Variants in RASGRF2 observed in about 807,000 individuals in gnomAD.
RASGRF2 encodes the protein ras-specific guanine nucleotide-releasing factor 2.
Under a neutral mutation model 151.0 loss-of-function variants are expected in RASGRF2, and 76 were observed. That is an observed-to-expected ratio of 0.50 (90% CI 0.42 to 0.61). The LOEUF is 0.61. Among genes scored for constraint, RASGRF2 ranks in the 20% least tolerant of loss-of-function variants. The pLI is 0.00. For missense variants in RASGRF2, 1,148 were observed against 1,564.6 expected, an observed-to-expected ratio of 0.73 and a Z score of 4.49; for synonymous variants, 504 against 566.5, an observed-to-expected ratio of 0.89 and a Z score of 1.57.
chr5:81,008,488 C>T (rs1749349976), intron 1 of RASGRF2, among the ~76,000 whole-genome samples: 1 of 152,152 alleles, frequency 6.6e-6, no homozygotes, highest in South Asian at 2.1e-4. Flanking sequence ...AGCACTTTGA[C>T]ACATCTTGCA....
chr5:80,992,266 A>G (rs1433070682), intron 1 of RASGRF2, among the ~76,000 whole-genome samples: 1 of 96,672 alleles, frequency 1.0e-5, no homozygotes, highest in South Asian at 3.8e-4. Context: ...TGTCCTTGGT[A>G]GGTCCCTGCC....
intron 1 of RASGRF2, among the ~76,000 whole-genome samples, chr5:80,979,279 A>G (rs1748225119): frequency 6.6e-6 from 1 of 152,252 alleles, no homozygotes. Context: ...GAATGAAAGT[A>G]CAATCTGTGA....
chr5:81,193,847 T>G (rs192689852), intron 18 of RASGRF2, among the ~76,000 whole-genome samples: 3 of 152,220 alleles, frequency 2.0e-5, no homozygotes, highest in Admixed American at 1.3e-4. Flanking sequence ...AGAGGTTGAG[T>G]GGTTAGAAAA....
intron 17 of RASGRF2, among the ~76,000 whole-genome samples, chr5:81,158,240 A>AT (rs1193533460): frequency 1.4e-4 from 22 of 152,182 alleles, no homozygotes; most frequent in Admixed American, 1.4e-3. Flanking sequence ...AAAGTTGTTG[A>AT]TTTTCTGTAA....
At position 81,229,145 on chromosome 5, in the gene RASGRF2, T is replaced by C. The variant is rs547277129; in HGVS notation, c.*3375T>C. On this transcript the variant is annotated 3_prime_UTR_variant, in exon 27 of 27. Coordinates refer to ENST00000265080, the MANE Select transcript of RASGRF2 (RefSeq NM_006909.3). Reference sequence around the variant, plus strand: ...TAACTTTTATTTAAAAGCAAGAGATTTTACTTAGCTTTTTTTTTTCAAAGT... The same window carrying C: ...TAACTTTTATTTAAAAGCAAGAGATCTTACTTAGCTTTTTTTTTTCAAAGT... The C allele has an allele frequency of 1.3e-5, 2 of 152,276 alleles. No homozygotes were observed. The highest frequency in any genetic ancestry group is 2.9e-5 in the Non-Finnish European group (2 of 68,010). 9.4% of individuals were successfully genotyped at this position (152,276 alleles called of 1,614,324 possible).
intron 17 of RASGRF2, among the ~76,000 whole-genome samples, chr5:81,143,210 G>A (rs981051798): frequency 7.2e-5 from 11 of 151,786 alleles, no homozygotes; most frequent in Admixed American, 6.6e-4. Context: ...GTGCAGTGGC[G>A]CAATCTCCAC....
At position 81,022,651 on chromosome 5, in the gene RASGRF2, G is replaced by A. The variant is rs116418479; in HGVS notation, c.289-20226G>A. 8.8e-3 allele frequency among the ~76,000 whole-genome samples: 1,346 copies of A among 152,152 alleles called. 25 individuals carry two copies. Among genetic ancestry groups the A allele is most frequent in the African/African-American group, 0.031 (1,286 of 41,478 alleles). ...TCCCTCTGTTTTCTCCACGTACCTC[G>A]GACCTCTCCTTCTTGCCACACTCCT... On this transcript the variant is annotated intron_variant, in intron 1 of 26. Coordinates refer to ENST00000265080, the MANE Select transcript of RASGRF2 (RefSeq NM_006909.3).
At chr5:81,113,311 T>C in intron 14 of RASGRF2, 1 of 596,142 alleles carries the variant, frequency 1.7e-6, no homozygotes, top group Non-Finnish European at 2.9e-6. Flanking sequence ...TCAATGCTGC[T>C]GTTTGGACCA....
intron 23 of RASGRF2, among the ~76,000 whole-genome samples, 160 bp from the exon 24 acceptor site, chr5:81,215,716 C>T (rs1755722287): frequency 6.6e-6 from 1 of 152,294 alleles, no homozygotes; most frequent in East Asian, 1.9e-4. Context: ...AACATAATGC[C>T]CTGTCTCTAC....
intron 9 of RASGRF2, among the ~76,000 whole-genome samples, chr5:81,090,959 T>G (rs569615056): frequency 6.6e-6 from 1 of 152,314 alleles, no homozygotes; most frequent in African/African-American, 2.4e-5. Context: ...AGCCTCAGTC[T>G]TTCACTCAGC....
At position 81,062,007 on chromosome 5, in the gene RASGRF2, A is replaced by C. The variant is rs1050030400; in HGVS notation, c.396-6025A>C. On this transcript the variant is annotated intron_variant, in intron 2 of 26. Transcript: ENST00000265080. Reference sequence around the variant, plus strand: ...CCTGATCCCAGCTGACAAAAAAAAAAAAAAAAAAAAAAAAAAACTGTAGAG... The same window carrying C: ...CCTGATCCCAGCTGACAAAAAAAAACAAAAAAAAAAAAAAAAACTGTAGAG... Among the ~76,000 whole-genome samples, 18 of 143,458 alleles carry C rather than the reference A, an allele frequency of 1.3e-4. 1 individual carries two copies. The highest frequency in any genetic ancestry group is 3.5e-4 in the African/African-American group (13 of 37,196). The allele number at this position is 143,458 out of a possible 152,430, so 94.1% of individuals were successfully genotyped here. A position where few individuals can be genotyped will look rare whatever the true frequency, so the allele number is the denominator to read the frequency against.
At chr5:81,034,614 C>T (rs1750399507) in intron 1 of RASGRF2, among the ~76,000 whole-genome samples, 1 of 151,474 alleles carries the variant, frequency 6.6e-6, no homozygotes, top group African/African-American at 2.4e-5. Context: ...GAATACTATG[C>T]AGCCATAAAA....
chr5:80,992,183 TAC>T (rs70994409), intron 1 of RASGRF2, among the ~76,000 whole-genome samples: 31 of 140,436 alleles, frequency 2.2e-4, no homozygotes, highest in Non-Finnish European at 3.0e-4. Flanking sequence ...CACACACAGA[TAC>T]ACACACACAC....
intron 1 of RASGRF2, among the ~76,000 whole-genome samples, chr5:81,038,915 C>G (rs1425418232): frequency 6.6e-6 from 1 of 152,052 alleles, no homozygotes; most frequent in Non-Finnish European, 1.5e-5. Flanking sequence ...AAATGTGTTG[C>G]AAGTATGTCT....
intron 1 of RASGRF2, among the ~76,000 whole-genome samples, chr5:81,041,199 G>T (rs920990246): frequency 3.3e-5 from 5 of 151,836 alleles, no homozygotes; most frequent in Admixed American, 3.3e-4. Context: ...CTACTCAGGA[G>T]GCTGAGGCAG....
chr5:81,015,027 C>T (rs1352776106), intron 1 of RASGRF2, among the ~76,000 whole-genome samples: 2 of 152,106 alleles, frequency 1.3e-5, no homozygotes, highest in Non-Finnish European at 2.9e-5. Context: ...TCAAGCAGTC[C>T]TCCAACATCA....
At chr5:81,082,489 G>A (rs78171101) in intron 7 of RASGRF2, among the ~76,000 whole-genome samples, 1,529 of 152,270 alleles carry the variant, frequency 0.01, 43 homozygotes, top group East Asian at 0.097. Flanking sequence ...TCATAGCATC[G>A]GGGAAAATAA....
intron 10 of RASGRF2, among the ~76,000 whole-genome samples, 154 bp from the exon 11 acceptor site, chr5:81,094,142 T>A (rs1752470267): frequency 6.6e-6 from 1 of 152,182 alleles, no homozygotes; most frequent in Non-Finnish European, 1.5e-5. Flanking sequence ...CTTTTGCACA[T>A]CTAAGTTTAA....
intron 2 of RASGRF2, among the ~76,000 whole-genome samples, chr5:81,058,775 CAAAAAAAAAAAAA>C (rs56875865): frequency 4.3e-5 from 3 of 70,114 alleles, no homozygotes; most frequent in African/African-American, 5.8e-5. Context: ...GGCCCTGTAT[CAAAAAAAAAAAAA>C]AAAAAAAAAA....
Sources: allele counts gnomAD v4.1 joint callset (sites outside exome capture counted in the v4.1 genomes callset), GRCh38; gene constraint gnomAD v4.1.1; transcripts MANE v1.5; gene names NCBI Gene and HGNC (gene_info 2026-07-23, HGNC 2026-07-21).